Variants in FRAS1 observed in about 807,000 individuals in gnomAD.
FRAS1 encodes the protein Fraser extracellular matrix complex subunit 1.
A neutral mutation model predicts 435.2 loss-of-function variants in FRAS1; 290 were observed. The observed-to-expected ratio is 0.67, with a 90% CI of 0.61 to 0.73. The LOEUF (loss-of-function observed/expected upper bound fraction) is 0.73. Among genes scored for constraint, FRAS1 ranks in the 30% least tolerant of loss-of-function variants. The pLI is 0.00. For missense variants in FRAS1, 4,860 were observed against 5,001.5 expected (o/e 0.97, Z 0.85); for synonymous variants, 1,800 against 1,851.0 (o/e 0.97, Z 0.71).
intron 2 of FRAS1, among the ~76,000 whole-genome samples, chr4:78,215,580 T>C (rs1723732801): frequency 6.6e-6 from 1 of 152,214 alleles, no homozygotes; most frequent in Non-Finnish European, 1.5e-5. Flanking sequence ...TTTTGCAAAA[T>C]GGAAACTCTG....
At chr4:78,489,976 A>AC (rs1265790406) in intron 59 of FRAS1, among the ~76,000 whole-genome samples, 3 of 150,366 alleles carry the variant, frequency 2.0e-5, no homozygotes, top group African/African-American at 7.3e-5. Flanking sequence ...AACAAAAAAA[A>AC]AAAAAAAAAA....
intron 53 of FRAS1, among the ~76,000 whole-genome samples, chr4:78,474,066 T>C (rs1328697621): frequency 6.6e-6 from 1 of 152,224 alleles, no homozygotes; most frequent in Non-Finnish European, 1.5e-5. Flanking sequence ...TGGAAAATAA[T>C]CACTGGCCCA....
intron 6 of FRAS1, among the ~76,000 whole-genome samples, chr4:78,257,168 T>A (rs1413301319): frequency 6.6e-6 from 1 of 152,174 alleles, no homozygotes; most frequent in Non-Finnish European, 1.5e-5. Flanking sequence ...GTCCAGAGAG[T>A]GTAAGTAACT....
chr4:78,421,840 G>T (rs746906067), intron 33 of FRAS1, 23 bp from the exon 34 acceptor site: 1 of 1,613,192 alleles, frequency 6.2e-7, no homozygotes, highest in East Asian at 2.2e-5. Context: ...TGTTGATGCT[G>T]AGGCCAAATC....
At chr4:78,526,267 A>G (rs776576618) in intron 69 of FRAS1, among the ~76,000 whole-genome samples, 25 of 152,224 alleles carry the variant, frequency 1.6e-4, no homozygotes, top group Non-Finnish European at 2.9e-4. Context: ...CTATGTTTTC[A>G]TATGTAGTCT....
At chr4:78,126,375 A>C (rs562851382) in intron 2 of FRAS1, among the ~76,000 whole-genome samples, 1 of 152,272 alleles carries the variant, frequency 6.6e-6, no homozygotes, top group Non-Finnish European at 1.5e-5. Flanking sequence ...GCAACACCCC[A>C]CCCTGCATCG....
intron 35 of FRAS1, among the ~76,000 whole-genome samples, chr4:78,426,851 C>G (rs1290498589): frequency 6.6e-6 from 1 of 152,182 alleles, no homozygotes; most frequent in Non-Finnish European, 1.5e-5. Context: ...CAAGTGATAG[C>G]TAGTTATGTA....
intron 2 of FRAS1, among the ~76,000 whole-genome samples, chr4:78,208,799 A>G (rs1474689936): frequency 6.6e-6 from 1 of 152,122 alleles, no homozygotes; most frequent in Non-Finnish European, 1.5e-5. Flanking sequence ...ATGACGTTAA[A>G]ACTTAGCATA....
intron 2 of FRAS1, among the ~76,000 whole-genome samples, chr4:78,156,682 G>C (rs928917683): frequency 6.6e-6 from 1 of 152,098 alleles, no homozygotes. Context: ...CCTCTTTCTT[G>C]GGGCCTTTCA....
intron 32 of FRAS1, among the ~76,000 whole-genome samples, chr4:78,415,410 G>A (rs1211980975): frequency 6.6e-6 from 1 of 152,132 alleles, no homozygotes; most frequent in Non-Finnish European, 1.5e-5. Flanking sequence ...ATAAAACACA[G>A]ATTGCTGGAA....
chr4:78,095,009 C>G (rs915827684), intron 2 of FRAS1, among the ~76,000 whole-genome samples: 4 of 152,154 alleles, frequency 2.6e-5, no homozygotes, highest in African/African-American at 9.7e-5. Flanking sequence ...CAGGAGAAAC[C>G]TGATATAAGA....
In FRAS1 at chr4:78,438,924, G is replaced by T. The variant is rs1734541031; in HGVS notation, c.5389G>T (p.Asp1797Tyr). The change falls in exon 40 of 74, where the codon GAT (aspartate) becomes TAT (tyrosine). Residue 1797 changes from aspartate (D) to tyrosine (Y), a missense_variant. Transcript: ENST00000512123. ...TAGATACTCAGCTGTGTTTGAAACTGATGGTCATCTGGTTACTGATAGCTT... is the reference window on the plus strand; with the variant it reads ...TAGATACTCAGCTGTGTTTGAAACTTATGGTCATCTGGTTACTGATAGCTT... ...KIRYSAVFETDGHLVTDSFYF... is the reference protein window; with the variant it reads ...KIRYSAVFETYGHLVTDSFYF... The T allele has an allele frequency of 1.2e-6, 2 of 1,608,980 alleles. No individual in the cohort carries two copies. The highest frequency in any genetic ancestry group is 1.7e-5 in the Admixed American group (1 of 58,616).
Position 78,441,165 on chromosome 4 carries a change from G to T in FRAS1, c.5533G>T (p.Asp1845Tyr), listed in dbSNP as rs750532311. Residue 1845 changes from aspartate to tyrosine, a missense_variant, in exon 41 of 74, where the codon GAT becomes TAT. Physicochemically the swap from Asp to Tyr is radical, Grantham distance 160. Coordinates refer to ENST00000512123, the MANE Select transcript of FRAS1 (RefSeq NM_025074.7). ...VIAFADLITV[D>Y]EGGRAPLSFH... is the part of the protein sequence containing the mutation. ...TCTATGTTCTTTTCTTTCTTAGGTT[G>T]ATGAGGGAGGGAGAGCACCACTCTC... is the stretch of plus-strand genomic sequence containing the variant. 1.2e-6 allele frequency: 2 copies of T among 1,613,804 alleles called. No homozygotes were observed. Among genetic ancestry groups the T allele is most frequent in the Non-Finnish European group, 1.7e-6 (2 of 1,179,766 alleles).
chr4:78,117,324 C>T (rs1340800299), intron 2 of FRAS1, among the ~76,000 whole-genome samples: 1 of 152,110 alleles, frequency 6.6e-6, no homozygotes, highest in Admixed American at 6.6e-5. Context: ...AGTTGCTCTT[C>T]TCGAGGAATA....
At chr4:78,455,417 A>AG (rs1204421259) in intron 47 of FRAS1, among the ~76,000 whole-genome samples, 45 of 123,974 alleles carry the variant, frequency 3.6e-4, no homozygotes, top group Middle Eastern at 3.8e-3. Context: ...GTTGGAGTTG[A>AG]GGAGGGAGGG....
At chr4:78,288,087 T>C (rs1045797826) in intron 14 of FRAS1, among the ~76,000 whole-genome samples, 17 of 152,196 alleles carry the variant, frequency 1.1e-4, no homozygotes, top group African/African-American at 4.1e-4. Context: ...AGTGTTTCAA[T>C]AGAAGTCTCA....
intron 41 of FRAS1, among the ~76,000 whole-genome samples, chr4:78,442,208 C>G (rs563348015): frequency 2.6e-5 from 4 of 152,338 alleles, no homozygotes; most frequent in African/African-American, 9.6e-5. Flanking sequence ...CAATGTGTGC[C>G]TTAGATCTGT....
intron 2 of FRAS1, among the ~76,000 whole-genome samples, chr4:78,087,937 T>C (rs1741283373): frequency 6.6e-6 from 1 of 152,176 alleles, no homozygotes; most frequent in Non-Finnish European, 1.5e-5. Flanking sequence ...TTAAAGTTCA[T>C]ATGGAACCAA....
chr4:78,225,645 C>T (rs183683220), intron 2 of FRAS1, among the ~76,000 whole-genome samples: 2 of 152,336 alleles, frequency 1.3e-5, no homozygotes, highest in African/African-American at 4.8e-5. Context: ...CTGTATTCAT[C>T]TATATCTTCC....
Sources: gnomAD v4.1 joint callset for allele counts (sites outside exome capture counted in the v4.1 genomes callset) on GRCh38, gnomAD v4.1.1 for gene constraint, MANE v1.5 for transcripts, NCBI Gene and HGNC (gene_info 2026-07-23, HGNC 2026-07-21) for gene names.